The following DCUN1D5 variants were observed in gnomAD, a reference collection of about 807,000 sequenced individuals.
The protein encoded by DCUN1D5 is DCN1-like protein 5.
In DCUN1D5, 10 loss-of-function variants were observed where a neutral mutation model predicts 38.3. The observed-to-expected ratio is 0.26, with a 90% CI of 0.16 to 0.44. The LOEUF (loss-of-function observed/expected upper bound fraction) is 0.44, where lower values mean the gene tolerates loss of function less well. Ranked by LOEUF, DCUN1D5 falls within the 20% of genes least tolerant of loss-of-function variation. DCUN1D5 has a pLI of 1.00. For missense variants in DCUN1D5, 148 were observed against 275.3 expected (o/e 0.54, Z 3.27); for synonymous variants, 93 against 90.9 (o/e 1.02, Z -0.13).
In DCUN1D5 at chr11:103,060,453, G is replaced by A. The variant is rs1348987446; in HGVS notation, c.*1906C>T. ...TGAAAATACAGTATTCCCGGGATGC[G>A]ACACCTACATACACGGGGAGGGCTG... On this transcript the variant is annotated 3_prime_UTR_variant, in exon 8 of 8. Transcript: ENST00000260247. Among the ~76,000 whole-genome samples, 2 of 151,920 alleles carry A rather than the reference G, an allele frequency of 1.3e-5. No homozygotes were observed. The highest frequency in any genetic ancestry group is 2.4e-5 in the African/African-American group (1 of 41,368).
Position 103,078,639 on chromosome 11 carries a change from T to G in DCUN1D5, c.341+4109A>C, listed in dbSNP as rs1236524589. Among the ~76,000 whole-genome samples the G allele has an allele frequency of 6.6e-6, 1 of 152,264 alleles. No homozygotes were observed. The highest frequency in any genetic ancestry group is 2.4e-5 in the African/African-American group (1 of 41,466). ...ACGTATTAGCTAAAGCACTCTACAGTGAAGCCATCACTCAAAATATTAGAA... is the reference window on the plus strand; with the variant it reads ...ACGTATTAGCTAAAGCACTCTACAGGGAAGCCATCACTCAAAATATTAGAA... On this transcript the variant is annotated intron_variant, in intron 4 of 7. Coordinates refer to ENST00000260247, the MANE Select transcript of DCUN1D5 (RefSeq NM_032299.4). The surrounding 1 kb of genome is among the most constrained non-coding windows in gnomAD (Gnocchi z 4.6).
At position 103,078,271 on chromosome 11, in the gene DCUN1D5, C is replaced by A. The variant is rs772904546; in HGVS notation, c.341+4477G>T. ...GTATAGTATTTCACCCTTGCTCCAACACCAGACTTTCAGCTAGCAGATATG... is the reference window on the plus strand; with the variant it reads ...GTATAGTATTTCACCCTTGCTCCAAAACCAGACTTTCAGCTAGCAGATATG... On this transcript the variant is annotated intron_variant, in intron 4 of 7. Transcript: ENST00000260247. This position sits in a 1 kb window ranked among gnomAD's most constrained non-coding sequence, Gnocchi z 4.6. Among the ~76,000 whole-genome samples the A allele has an allele frequency of 1.3e-5, 2 of 152,198 alleles. No homozygotes were observed. The highest frequency in any genetic ancestry group is 2.9e-5 in the Non-Finnish European group (2 of 68,036).
rs1487364220 is a variant in DCUN1D5, at chr11:103,058,342, G to A, written c.*4017C>T. 6.6e-6 allele frequency among the ~76,000 whole-genome samples: 1 copy of A among 152,162 alleles called. No individual in the cohort carries two copies. ...CTAATAGAATGTAAAAGATTGTAAG[G>A]TGGACACAGCAAATGTATGATCGAT... On this transcript the variant is annotated 3_prime_UTR_variant, in exon 8 of 8. Transcript: ENST00000260247.
In DCUN1D5 at chr11:103,051,996, CTTA is replaced by C. The variant is rs1391585714; in HGVS notation, c.*10360_*10362del. 1 of 152,174 alleles carries C rather than the reference CTTA, an allele frequency of 6.6e-6. No individual in the cohort carries two copies. 9.4% of individuals were successfully genotyped at this position (152,174 alleles called of 1,614,324 possible). A position where few individuals can be genotyped will look rare whatever the true frequency, so the allele number is the denominator to read the frequency against. The stretch of plus-strand genomic sequence containing the variant: ...CTCACTCTCCTCTGAACTCCTATAG[CTTA>C]TTGTCATATTATTCAACTGGCACTA... On this transcript the variant is annotated 3_prime_UTR_variant, in exon 8 of 8. Coordinates refer to ENST00000260247, the MANE Select transcript of DCUN1D5 (RefSeq NM_032299.4).
rs1862257540 is a variant in DCUN1D5 at position 103,071,009 on chromosome 11, T to C, written c.342-4442A>G. ...GTCTCAAGGGAAAACAGAAAATACA[T>C]TAAACTAAATGAAAATACAACATAT... On this transcript the variant is annotated intron_variant, in intron 4 of 7. Transcript: ENST00000260247. The surrounding 1 kb of genome is among the most constrained non-coding windows in gnomAD (Gnocchi z 4.1). Among the ~76,000 whole-genome samples, 1 of 151,886 alleles carries C rather than the reference T, an allele frequency of 6.6e-6. No homozygotes were observed. The highest frequency in any genetic ancestry group is 2.1e-4 in the South Asian group (1 of 4,824).
chr11:103,083,179 A>G lies in DCUN1D5; in HGVS notation c.249+77T>C. 2 of 730,236 alleles carry G rather than the reference A, an allele frequency of 2.7e-6. No individual in the cohort carries two copies. The highest frequency in any genetic ancestry group is 4.8e-6 in the Non-Finnish European group (2 of 413,016). 45.2% of individuals were successfully genotyped at this position (730,236 alleles called of 1,614,324 possible). ...GAAATAAAATCTTCATACAAGATTAAAGTGTCTCGATTTTTAGTAATTTAC... is the reference window on the plus strand; with the variant it reads ...GAAATAAAATCTTCATACAAGATTAGAGTGTCTCGATTTTTAGTAATTTAC... On this transcript the variant is annotated intron_variant, in intron 3 of 7. Coordinates refer to ENST00000260247, the MANE Select transcript of DCUN1D5 (RefSeq NM_032299.4). This position sits in a 1 kb window ranked among gnomAD's most constrained non-coding sequence, Gnocchi z 4.4.
rs1026999821 is a variant in DCUN1D5, at chr11:103,058,262, T to C, written c.*4097A>G. 1.2e-4 allele frequency among the ~76,000 whole-genome samples: 18 copies of C among 151,980 alleles called. No homozygotes were observed. The highest frequency in any genetic ancestry group is 2.5e-4 in the Non-Finnish European group (17 of 67,980). ...TGTTTCATCGATCCTAAAAAGAAAATGGTCACACCAATAACAACTGGTCAG... is the reference window on the plus strand; with the variant it reads ...TGTTTCATCGATCCTAAAAAGAAAACGGTCACACCAATAACAACTGGTCAG... On this transcript the variant is annotated 3_prime_UTR_variant, in exon 8 of 8. Transcript: ENST00000260247.
chr11:103,082,246 C>G (rs561073153), intron 4 of DCUN1D5, among the ~76,000 whole-genome samples: 1 of 151,998 alleles, frequency 6.6e-6, no homozygotes, highest in Non-Finnish European at 1.5e-5. Context: ...TGCACGGGAG[C>G]AGTTACAACA....
In DCUN1D5 at chr11:103,051,031, G is replaced by A. The variant is rs1366610036; in HGVS notation, c.*11328C>T. ...TTGGGCATTCCAGAGACAAAGAAAG[G>A]TGCTGCAACTTCTGGACATAAAGAA... is the stretch of plus-strand genomic sequence containing the variant. On this transcript the variant is annotated 3_prime_UTR_variant, in exon 8 of 8. Coordinates refer to ENST00000260247, the MANE Select transcript of DCUN1D5 (RefSeq NM_032299.4). The A allele has an allele frequency of 6.6e-6, 1 of 152,156 alleles. No homozygotes were observed. The highest frequency in any genetic ancestry group is 1.5e-5 in the Non-Finnish European group (1 of 68,036). 9.4% of individuals were successfully genotyped at this position (152,156 alleles called of 1,614,324 possible).
In DCUN1D5 at chr11:103,066,644, T is replaced by C; in HGVS notation, c.342-77A>G. 1 of 808,238 alleles carries C rather than the reference T, an allele frequency of 1.2e-6. No homozygotes were observed. The highest frequency in any genetic ancestry group is 1.8e-5 in the South Asian group (1 of 56,430). The allele number at this position is 808,238 out of a possible 1,614,324, so 50.1% of individuals were successfully genotyped here. ...AAGTATCACTGGGGGTTAGACGTAA[T>C]GCATTAAGAAAAAAGTGAGCGCATT... On this transcript the variant is annotated intron_variant, in intron 4 of 7. Coordinates refer to ENST00000260247, the MANE Select transcript of DCUN1D5 (RefSeq NM_032299.4). This position sits in a 1 kb window ranked among gnomAD's most constrained non-coding sequence, Gnocchi z 4.7.
chr11:103,091,922 C>A lies in DCUN1D5; in HGVS notation c.-50G>T. The A allele has an allele frequency of 6.4e-7, 1 of 1,555,526 alleles. No individual in the cohort carries two copies. Reference sequence around the variant, plus strand: ...GCAGGGGAGCCGGGGAAGGGGGTCCCTGTCCGCTGGAAGCCCCTCAGCGCT... The same window carrying A: ...GCAGGGGAGCCGGGGAAGGGGGTCCATGTCCGCTGGAAGCCCCTCAGCGCT... On this transcript the variant is annotated 5_prime_UTR_variant, in exon 1 of 8. In the 5' UTR this introduces an upstream ATG that the reference lacks. Transcript: ENST00000260247. The surrounding 1 kb of genome is among the most constrained non-coding windows in gnomAD (Gnocchi z 4.3).
chr11:103,053,278 C>T lies in DCUN1D5; in HGVS notation c.*9081G>A, dbSNP rs551840446. The T allele has an allele frequency of 8.5e-5, 13 of 152,150 alleles. No homozygotes were observed. The highest frequency in any genetic ancestry group is 2.9e-4 in the African/African-American group (12 of 41,524). The allele number at this position is 152,150 out of a possible 1,614,324, so 9.4% of individuals were successfully genotyped here. A position where few individuals can be genotyped will look rare whatever the true frequency, so the allele number is the denominator to read the frequency against. ...AAATTGATCATTTAGTCATATTTAGCATCCATTTAATGAACCATTTCACTA... is the reference window on the plus strand; with the variant it reads ...AAATTGATCATTTAGTCATATTTAGTATCCATTTAATGAACCATTTCACTA... On this transcript the variant is annotated 3_prime_UTR_variant, in exon 8 of 8. Coordinates refer to ENST00000260247, the MANE Select transcript of DCUN1D5 (RefSeq NM_032299.4). This position sits in a 1 kb window ranked among gnomAD's most constrained non-coding sequence, Gnocchi z 4.8.
chr11:103,068,537 G>A (rs949057946), intron 4 of DCUN1D5, among the ~76,000 whole-genome samples: 3 of 152,016 alleles, frequency 2.0e-5, no homozygotes, highest in South Asian at 2.1e-4. Context: ...TACATTTTGC[G>A]GGAACATGGA....
In DCUN1D5 at chr11:103,078,043, C is replaced by G. The variant is rs1004324930; in HGVS notation, c.341+4705G>C. ...AAAATCATATAAATGTTCCCTATTC[C>G]CCTCTCGCTAAGACGGTCAAGCCAT... On this transcript the variant is annotated intron_variant, in intron 4 of 7. Transcript: ENST00000260247. The surrounding 1 kb of genome is among the most constrained non-coding windows in gnomAD (Gnocchi z 4.6). 2.0e-5 allele frequency among the ~76,000 whole-genome samples: 3 copies of G among 152,150 alleles called. No individual in the cohort carries two copies. Among genetic ancestry groups the G allele is most frequent in the Middle Eastern group, 3.2e-3 (1 of 316 alleles).
At position 103,092,144 on chromosome 11, in the gene DCUN1D5, C is replaced by T. The variant is rs1181979841; in HGVS notation, c.-272G>A. The T allele has an allele frequency of 2.4e-6, 1 of 421,040 alleles. No individual in the cohort carries two copies. The highest frequency in any genetic ancestry group is 4.4e-5 in the East Asian group (1 of 22,724). The allele number at this position is 421,040 out of a possible 1,614,324, so 26.1% of individuals were successfully genotyped here. ...GATAACGCGGACAGCGCGGCAGCTC[C>T]ACCAGTCACAGCAAGCAAGAGGCTC... On this transcript the variant is annotated 5_prime_UTR_variant, in exon 1 of 8. Transcript: ENST00000260247.
At chr11:103,079,595 G>A (rs1326729119) in intron 4 of DCUN1D5, among the ~76,000 whole-genome samples, 2 of 151,490 alleles carry the variant, frequency 1.3e-5, no homozygotes, top group East Asian at 3.9e-4. Context: ...TTTGAGACCA[G>A]CCTGGACAAC....
intron 4 of DCUN1D5, among the ~76,000 whole-genome samples, chr11:103,068,781 T>A (rs1318656379): frequency 6.6e-6 from 1 of 151,524 alleles, no homozygotes; most frequent in Non-Finnish European, 1.5e-5. Context: ...AATCAACCCC[T>A]CTGACACTAC....
rs926757901 is a variant in DCUN1D5 at position 103,087,389 on chromosome 11, C to G, written c.178+1838G>C. Among the ~76,000 whole-genome samples the G allele has an allele frequency of 2.0e-5, 3 of 152,074 alleles. No individual in the cohort carries two copies. The highest frequency in any genetic ancestry group is 4.4e-5 in the Non-Finnish European group (3 of 68,012). The stretch of plus-strand genomic sequence containing the variant: ...GTTTCACCATGTTAACCAGGATGGT[C>G]TCGATCTCCTGACCTCGTGATCTGC... On this transcript the variant is annotated intron_variant, in intron 2 of 7. Coordinates refer to ENST00000260247, the MANE Select transcript of DCUN1D5 (RefSeq NM_032299.4). The surrounding 1 kb of genome is among the most constrained non-coding windows in gnomAD (Gnocchi z 4.1).
rs1862066112 is a variant in DCUN1D5 at position 103,063,622 on chromosome 11, A to T, written c.658+653T>A. On this transcript the variant is annotated intron_variant, in intron 7 of 7. Coordinates refer to ENST00000260247, the MANE Select transcript of DCUN1D5 (RefSeq NM_032299.4). The surrounding 1 kb of genome is among the most constrained non-coding windows in gnomAD (Gnocchi z 4.6). ...CCTTCTGAACACTGAAAACACATGCAACCAACCAAAATGGTGGTTGGAACT... is the reference window on the plus strand; with the variant it reads ...CCTTCTGAACACTGAAAACACATGCTACCAACCAAAATGGTGGTTGGAACT... Among the ~76,000 whole-genome samples, 1 of 152,140 alleles carries T rather than the reference A, an allele frequency of 6.6e-6. No homozygotes were observed. Among genetic ancestry groups the T allele is most frequent in the Non-Finnish European group, 1.5e-5 (1 of 67,988 alleles).
Sources: gnomAD v4.1 joint callset for allele counts (sites outside exome capture counted in the v4.1 genomes callset) on GRCh38, gnomAD v4.1.1 for gene constraint, Gnocchi (gnomAD v3.1) non-coding constraint, MANE v1.5 for transcripts, NCBI Gene and HGNC (gene_info 2026-07-23, HGNC 2026-07-21) for gene names.